The following BMP2K variants were observed in gnomAD, a reference collection of about 807,000 sequenced individuals.
The protein encoded by BMP2K is BMP2 inducible kinase.
BMP2K carries 74 observed loss-of-function variants against 116.0 expected under a neutral mutation model. The ratio of observed to expected loss-of-function variants is 0.64; its 90% CI spans 0.53 to 0.77. The LOEUF is 0.77. BMP2K is among the 30% of genes least tolerant of loss of function. The probability of loss-of-function intolerance (pLI) is 0.00; values close to 1 mark genes in which losing one functional copy is unlikely to be tolerated. For missense variants in BMP2K, 1,365 were observed against 1,403.6 expected (o/e 0.97, Z 0.44); for synonymous variants, 486 against 502.5 (o/e 0.97, Z 0.44).
intron 15 of BMP2K, among the ~76,000 whole-genome samples, chr4:78,897,098 A>ATATT (rs1733743029): frequency 6.6e-6 from 1 of 151,980 alleles, no homozygotes; most frequent in Non-Finnish European, 1.5e-5. Context: ...ATATATATAT[A>ATATT]ATGCTTAAAA....
chr4:78,876,246 CTG>C lies in BMP2K; in HGVS notation c.1794-2485_1794-2484del, dbSNP rs371164352. Among the ~76,000 whole-genome samples the C allele has an allele frequency of 5.6e-3, 845 of 151,644 alleles. 11 individuals are homozygous for C. The highest frequency in any genetic ancestry group is 0.019 in the African/African-American group (800 of 41,438). ...CCCATCTCTCTTTGAGTTTTACCCA[CTG>C]TGATCTGTTTTTTTTTTTCCTTCAA... On this transcript the variant is annotated intron_variant, in intron 13 of 15. Transcript: ENST00000502613.
chr4:78,891,634 T>C (rs933228767), intron 15 of BMP2K, among the ~76,000 whole-genome samples: 11 of 152,252 alleles, frequency 7.2e-5, no homozygotes, highest in African/African-American at 2.7e-4. Flanking sequence ...TATTTCTGAT[T>C]GCAAATAACA....
intron 2 of BMP2K, among the ~76,000 whole-genome samples, chr4:78,827,811 A>G (rs575615987): frequency 6.6e-6 from 1 of 152,278 alleles, no homozygotes; most frequent in East Asian, 1.9e-4. Context: ...AATTCAGCCC[A>G]CCTTGCTGAT....
intron 15 of BMP2K, among the ~76,000 whole-genome samples, chr4:78,909,236 C>T (rs1577985444): frequency 6.6e-6 from 1 of 151,900 alleles, no homozygotes; most frequent in East Asian, 1.9e-4. Context: ...TGGGGTTTCA[C>T]CATGTTGGCC....
At chr4:78,835,192 A>T (rs1264076705) in intron 3 of BMP2K, among the ~76,000 whole-genome samples, 2 of 152,238 alleles carry the variant, frequency 1.3e-5, no homozygotes, top group Non-Finnish European at 1.5e-5. Context: ...TAGAAGAATG[A>T]TCATATCTGT....
Position 78,912,535 on chromosome 4 carries a change from T to C in BMP2K, c.*502T>C, listed in dbSNP as rs1249327586. 1 of 153,020 alleles carries C rather than the reference T, an allele frequency of 6.5e-6. No individual in the cohort carries two copies. Among genetic ancestry groups the C allele is most frequent in the East Asian group, 1.9e-4 (1 of 5,190 alleles). 9.5% of individuals were successfully genotyped at this position (153,020 alleles called of 1,614,324 possible). A position where few individuals can be genotyped will look rare whatever the true frequency, so the allele number is the denominator to read the frequency against. On this transcript the variant is annotated 3_prime_UTR_variant, in exon 16 of 16. Transcript: ENST00000502613. Reference sequence around the variant, plus strand: ...CATTAGAAAGTTATTATCTGGAGAGTGCAGAGATTTCAGTCCATACACCTT... The same window carrying C: ...CATTAGAAAGTTATTATCTGGAGAGCGCAGAGATTTCAGTCCATACACCTT...
intron 1 of BMP2K, among the ~76,000 whole-genome samples, chr4:78,804,750 A>G (rs1728738119): frequency 7.5e-6 from 1 of 132,848 alleles, no homozygotes; most frequent in Non-Finnish European, 1.6e-5. Context: ...ACAAATTTCT[A>G]TTCTGCTTTT....
chr4:78,799,759 G>C (rs1231790812), intron 1 of BMP2K, among the ~76,000 whole-genome samples: 1 of 140,480 alleles, frequency 7.1e-6, no homozygotes, highest in African/African-American at 3.3e-5. Flanking sequence ...ATGGGTTATA[G>C]GTGTACCAAG....
intron 2 of BMP2K, among the ~76,000 whole-genome samples, chr4:78,828,508 GTT>G (rs1375410290): frequency 6.6e-6 from 1 of 152,126 alleles, no homozygotes; most frequent in African/African-American, 2.4e-5. Flanking sequence ...TCTGGGGAGA[GTT>G]TTAAGACCCA....
At chr4:78,802,539 A>G (rs1327961868) in intron 1 of BMP2K, among the ~76,000 whole-genome samples, 4 of 152,198 alleles carry the variant, frequency 2.6e-5, no homozygotes, top group African/African-American at 9.6e-5. Context: ...TTATACATAC[A>G]GTCTCCTAAA....
chr4:78,895,638 A>T (rs939667981), intron 15 of BMP2K, among the ~76,000 whole-genome samples: 1 of 152,178 alleles, frequency 6.6e-6, no homozygotes, highest in Non-Finnish European at 1.5e-5. Context: ...TATTAATGGA[A>T]GTTGGGATGT....
chr4:78,870,080 T>C (rs925297749), intron 10 of BMP2K, among the ~76,000 whole-genome samples: 2 of 152,208 alleles, frequency 1.3e-5, no homozygotes, highest in African/African-American at 4.8e-5. Flanking sequence ...ATTAAGTGTA[T>C]ATCTTACTTT....
chr4:78,911,153 A>C lies in BMP2K; in HGVS notation c.2606A>C (p.Gln869Pro), dbSNP rs1224818523. Reference protein sequence around the residue: ...GAVPFFAVRAQQPQQEKNEKN... With the variant: ...GAVPFFAVRAPQPQQEKNEKN... ...GTCCCCTTCTTTGCAGTGCGTGCTC[A>C]ACAGCCCCAGCAAGAAAAGAATGAA... Residue 869 changes from glutamine to proline, a missense_variant, in exon 16 of 16, where the codon CAA becomes CCA. By Grantham distance (76) the Gln-to-Pro change is moderately conservative (BLOSUM62 -1). Coordinates refer to ENST00000502613, the MANE Select transcript of BMP2K (RefSeq NM_198892.2). 42 of 1,613,840 alleles carry C rather than the reference A, an allele frequency of 2.6e-5. No homozygotes were observed. Among genetic ancestry groups the C allele is most frequent in the Non-Finnish European group, 3.5e-5 (41 of 1,179,874 alleles).
chr4:78,807,955 CTTTT>C (rs1157778752), intron 1 of BMP2K, among the ~76,000 whole-genome samples: 1 of 151,952 alleles, frequency 6.6e-6, no homozygotes, highest in Non-Finnish European at 1.5e-5. Flanking sequence ...TTTCTCTATA[CTTTT>C]TTTATTTCAC....
intron 15 of BMP2K, among the ~76,000 whole-genome samples, chr4:78,908,984 C>A (rs184042589): frequency 6.7e-6 from 1 of 149,252 alleles, no homozygotes; most frequent in Non-Finnish European, 1.5e-5. Context: ...GTCATCTAGG[C>A]CACCAAAATC....
chr4:78,801,178 C>G (rs1205511289), intron 1 of BMP2K, among the ~76,000 whole-genome samples: 2 of 152,076 alleles, frequency 1.3e-5, no homozygotes, highest in Non-Finnish European at 2.9e-5. Flanking sequence ...GACATGATAT[C>G]TAACTATTAA....
intron 14 of BMP2K, among the ~76,000 whole-genome samples, chr4:78,885,908 G>A (rs945386794): frequency 1.3e-5 from 2 of 152,174 alleles, no homozygotes; most frequent in Admixed American, 6.5e-5. Context: ...AGGCTGGAAT[G>A]CAGTGGTACA....
At chr4:78,804,509 T>C (rs1181122846) in intron 1 of BMP2K, among the ~76,000 whole-genome samples, 1 of 152,180 alleles carries the variant, frequency 6.6e-6, no homozygotes, top group Non-Finnish European at 1.5e-5. Flanking sequence ...GAGGACCTAC[T>C]ATATTTTTCC....
intron 13 of BMP2K, among the ~76,000 whole-genome samples, chr4:78,878,493 C>T (rs1732740031): frequency 6.6e-6 from 1 of 152,048 alleles, no homozygotes; most frequent in Admixed American, 6.6e-5. Context: ...AAGGAACTTG[C>T]CCAAGGGTAC....
Sources: allele counts gnomAD v4.1 joint callset (sites outside exome capture counted in the v4.1 genomes callset), GRCh38; gene constraint gnomAD v4.1.1; transcripts MANE v1.5; gene names NCBI Gene and HGNC (gene_info 2026-07-23, HGNC 2026-07-21).